Variants in RNF180 observed in about 807,000 individuals in gnomAD.
The protein encoded by RNF180 is E3 ubiquitin-protein ligase RNF180.
Under a neutral mutation model 59.2 loss-of-function variants are expected in RNF180, and 38 were observed. The ratio of observed to expected loss-of-function variants is 0.64; its 90% CI spans 0.50 to 0.84. RNF180 has a LOEUF of 0.84. Ranked by LOEUF, RNF180 falls within the 40% of genes least tolerant of loss-of-function variation. RNF180 has a pLI of 0.00. For synonymous variants in RNF180, 262 were observed against 240.3 expected (o/e 1.09, Z -0.84); for missense variants, 705 against 700.9 (o/e 1.01, Z -0.07).
intron 5 of RNF180, among the ~76,000 whole-genome samples, chr5:64,237,690 C>A (rs143562799): frequency 5.9e-5 from 9 of 152,230 alleles, no homozygotes; most frequent in Admixed American, 5.9e-4. Flanking sequence ...GTAATCCCCA[C>A]GTATTGAGGA....
intron 7 of RNF180, among the ~76,000 whole-genome samples, chr5:64,337,485 GA>G (rs1561269842): frequency 6.6e-6 from 1 of 151,846 alleles, no homozygotes; most frequent in Admixed American, 6.6e-5. Flanking sequence ...TTGTTGTCTA[GA>G]AATATATTTT....
chr5:64,264,988 G>A (rs2112330913), intron 5 of RNF180, among the ~76,000 whole-genome samples: 1 of 152,240 alleles, frequency 6.6e-6, no homozygotes, highest in Admixed American at 6.5e-5. Context: ...GTGATGATGA[G>A]CTTTTTTCAT....
chr5:64,363,344 G>A (rs1746327166), intron 7 of RNF180, among the ~76,000 whole-genome samples: 1 of 151,826 alleles, frequency 6.6e-6, no homozygotes, highest in East Asian at 1.9e-4. Context: ...ATTTATTGAA[G>A]AGAGAATACT....
intron 5 of RNF180, among the ~76,000 whole-genome samples, chr5:64,310,609 G>A (rs1197939027): frequency 6.6e-6 from 1 of 151,464 alleles, no homozygotes; most frequent in Non-Finnish European, 1.5e-5. Context: ...CCAGATCTCA[G>A]TTGTTTTTTG....
intron 1 of RNF180, among the ~76,000 whole-genome samples, chr5:64,177,547 A>T (rs367940872): frequency 2.0e-5 from 1 of 50,748 alleles, no homozygotes; most frequent in Non-Finnish European, 4.2e-5. Context: ...ATATATATAT[A>T]TATATATATA....
chr5:64,247,040 C>G (rs1201962567), intron 5 of RNF180, among the ~76,000 whole-genome samples: 2 of 152,046 alleles, frequency 1.3e-5, no homozygotes, highest in South Asian at 2.1e-4. Context: ...GCAGAAAAGG[C>G]CTTCAGTAAA....
At chr5:64,193,224 T>C (rs1321405352) in intron 1 of RNF180, among the ~76,000 whole-genome samples, 1 of 151,972 alleles carries the variant, frequency 6.6e-6, no homozygotes, top group Non-Finnish European at 1.5e-5. Flanking sequence ...ATATTACCTA[T>C]AGTTAACAGT....
chr5:64,350,782 A>G (rs949494072), intron 7 of RNF180, among the ~76,000 whole-genome samples: 4 of 152,140 alleles, frequency 2.6e-5, no homozygotes, highest in African/African-American at 9.7e-5. Flanking sequence ...CTGTTTTGGT[A>G]CCAGTACCAT....
In RNF180 at chr5:64,344,268, A is replaced by C. The variant is rs1355854016; in HGVS notation, c.1579+13862A>C. On this transcript the variant is annotated intron_variant, in intron 7 of 7. Coordinates refer to ENST00000389100, the MANE Select transcript of RNF180 (RefSeq NM_001113561.2). ...TATAGAAAATTATATATATGTAAAC[A>C]GTAATCAAAAGAAAGCAGCTGTGGC... Among the ~76,000 whole-genome samples, 4 of 152,226 alleles carry C rather than the reference A, an allele frequency of 2.6e-5. No individual in the cohort carries two copies. The South Asian group carries it at 6.2e-4, about 24-fold the overall frequency.
At chr5:64,331,052 T>G (rs1744884573) in intron 7 of RNF180, among the ~76,000 whole-genome samples, 3 of 152,240 alleles carry the variant, frequency 2.0e-5, no homozygotes, top group Non-Finnish European at 1.5e-5. Flanking sequence ...GCCCAGGCAC[T>G]GTCGCAACCC....
intron 1 of RNF180, among the ~76,000 whole-genome samples, chr5:64,170,698 A>G (rs1749892078): frequency 6.6e-6 from 1 of 152,174 alleles, no homozygotes; most frequent in South Asian, 2.1e-4. Context: ...ATCCTGGTTA[A>G]CCTGATTTTT....
rs190458646 is a variant in RNF180, at chr5:64,170,884, G to A, written c.-1+4931G>A. The stretch of plus-strand genomic sequence containing the variant: ...AGCAGTCTTTCTTTGAAGACATTTC[G>A]AGAACACCCAGTCACCAGGTTCCAA... On this transcript the variant is annotated intron_variant, in intron 1 of 7. Transcript: ENST00000389100. Among the ~76,000 whole-genome samples, 1,038 of 152,208 alleles carry A rather than the reference G, an allele frequency of 6.8e-3. 9 individuals are homozygous for A. The highest frequency in any genetic ancestry group is 9.0e-3 in the Non-Finnish European group (609 of 67,994).
chr5:64,246,646 G>T (rs1743186502), intron 5 of RNF180, among the ~76,000 whole-genome samples: 2 of 152,092 alleles, frequency 1.3e-5, no homozygotes, highest in South Asian at 4.1e-4. Context: ...AAAAGCCCAG[G>T]ACCAGATGGA....
chr5:64,223,206 T>C (rs1009875829), intron 5 of RNF180, among the ~76,000 whole-genome samples: 2 of 152,296 alleles, frequency 1.3e-5, no homozygotes, highest in South Asian at 2.1e-4. Flanking sequence ...GTGGCCCCCT[T>C]CCAGCCATAT....
At chr5:64,183,513 T>C (rs1750720293) in intron 1 of RNF180, among the ~76,000 whole-genome samples, 1 of 144,204 alleles carries the variant, frequency 6.9e-6, no homozygotes, top group South Asian at 2.4e-4. Context: ...TGTGGCACTA[T>C]CTTGTCTCAC....
chr5:64,195,599 A>G (rs1751416965), intron 1 of RNF180, among the ~76,000 whole-genome samples: 1 of 152,232 alleles, frequency 6.6e-6, no homozygotes, highest in African/African-American at 2.4e-5. Flanking sequence ...GCTAATTGAT[A>G]TAAATAAGAG....
intron 7 of RNF180, among the ~76,000 whole-genome samples, chr5:64,350,984 A>G (rs1474455215): frequency 5.9e-5 from 9 of 151,982 alleles, no homozygotes; most frequent in Admixed American, 2.6e-4. Flanking sequence ...CATTGAATCT[A>G]TAAATTACCT....
At chr5:64,314,933 T>C (rs952805798) in intron 5 of RNF180, among the ~76,000 whole-genome samples, 1 of 152,212 alleles carries the variant, frequency 6.6e-6, no homozygotes, top group Non-Finnish European at 1.5e-5. Context: ...TGACAAGCAC[T>C]AGATTTTAAA....
At chr5:64,329,801 G>A (rs115008468) in intron 6 of RNF180, among the ~76,000 whole-genome samples, 25 of 152,276 alleles carry the variant, frequency 1.6e-4, no homozygotes, top group African/African-American at 6.0e-4. Context: ...GTTCACAATA[G>A]GGTTCACTTC....
Sources: allele counts gnomAD v4.1 joint callset (sites outside exome capture counted in the v4.1 genomes callset), GRCh38; gene constraint gnomAD v4.1.1; transcripts MANE v1.5; gene names NCBI Gene and HGNC (gene_info 2026-07-23, HGNC 2026-07-21).